Variants in PDE4D observed in about 807,000 individuals in gnomAD.
PDE4D encodes the protein 3',5'-cyclic-AMP phosphodiesterase 4D.
In PDE4D, 24 loss-of-function variants were observed where a neutral mutation model predicts 87.4. The ratio of observed to expected loss-of-function variants is 0.27; its 90% confidence interval spans 0.20 to 0.39. The LOEUF is 0.39. Ranked by LOEUF, PDE4D falls within the 10% of genes least tolerant of loss-of-function variation. PDE4D has a pLI of 1.00. For missense variants in PDE4D, 714 were observed against 1,041.0 expected (o/e 0.69, Z 4.32); for synonymous variants, 384 against 383.2 (o/e 1.00, Z -0.02).
chr5:59,876,075 A>G (rs113889255), intron 1 of PDE4D, among the ~76,000 whole-genome samples: 34,179 of 152,136 alleles, frequency 0.22, 4,884 homozygotes, highest in Admixed American at 0.34. Flanking sequence ...ATGTTTGCCT[A>G]TGTAACAAAC....
intron 2 of PDE4D, among the ~76,000 whole-genome samples, chr5:60,184,147 G>A (rs901437487): frequency 3.3e-5 from 5 of 152,034 alleles, no homozygotes; most frequent in African/African-American, 4.8e-5. Context: ...TAAAGTCACC[G>A]CTCAGTTAAT....
chr5:60,366,419 A>G (rs1760549160), intron 1 of PDE4D, among the ~76,000 whole-genome samples: 2 of 152,214 alleles, frequency 1.3e-5, no homozygotes, highest in Non-Finnish European at 1.5e-5. Context: ...TGTTTCAAGC[A>G]TAAGGCACTT....
chr5:60,251,087 A>G (rs566171644), intron 1 of PDE4D, among the ~76,000 whole-genome samples: 1 of 152,144 alleles, frequency 6.6e-6, no homozygotes, highest in African/African-American at 2.4e-5. Context: ...GATACAGAGA[A>G]AGGAAAGAGA....
chr5:60,048,942 A>T (rs942468185), intron 2 of PDE4D, among the ~76,000 whole-genome samples: 1 of 152,142 alleles, frequency 6.6e-6, no homozygotes, highest in Non-Finnish European at 1.5e-5. Flanking sequence ...GTTCTCCTGG[A>T]TAATATCCTG....
At chr5:59,217,969 A>T (rs773881700) in intron 1 of PDE4D, 7 of 477,436 alleles carry the variant, frequency 1.5e-5, no homozygotes, top group Non-Finnish European at 2.9e-5. Flanking sequence ...AAGATACAAA[A>T]ATAAAGGATG....
At chr5:60,011,619 A>G in intron 2 of PDE4D, among the ~76,000 whole-genome samples, 1 of 152,160 alleles carries the variant, frequency 6.6e-6, no homozygotes, top group East Asian at 1.9e-4. Context: ...ACAGCAGTCT[A>G]TGCATAGGTC....
intron 1 of PDE4D, among the ~76,000 whole-genome samples, chr5:59,658,930 G>A (rs142366851): frequency 6.6e-6 from 1 of 152,176 alleles, no homozygotes; most frequent in Non-Finnish European, 1.5e-5. Context: ...TTGATCCCAG[G>A]GGTTTGAGGG....
At chr5:59,156,318 A>ATATATATATATATAT (rs530343458) in intron 5 of PDE4D, among the ~76,000 whole-genome samples, 54 of 21,276 alleles carry the variant, frequency 2.5e-3, no homozygotes, top group Middle Eastern at 0.025. Flanking sequence ...AGAAAAAAAA[A>ATATATATATATATAT]AAATATATAT....
intron 1 of PDE4D, among the ~76,000 whole-genome samples, chr5:60,363,001 C>T (rs1760208000): frequency 6.6e-6 from 1 of 152,158 alleles, no homozygotes; most frequent in African/African-American, 2.4e-5. Flanking sequence ...AAAACTGTCT[C>T]TAGCTGTGCT....
intron 1 of PDE4D, among the ~76,000 whole-genome samples, chr5:59,474,818 A>G (rs1430080455): frequency 6.6e-6 from 1 of 152,124 alleles, no homozygotes; most frequent in Non-Finnish European, 1.5e-5. Context: ...AAAAAGTTTT[A>G]TGCAAAAAAG....
At chr5:59,080,543 T>C (rs1316677186) in intron 5 of PDE4D, among the ~76,000 whole-genome samples, 1 of 152,164 alleles carries the variant, frequency 6.6e-6, no homozygotes, top group Non-Finnish European at 1.5e-5. Flanking sequence ...ATATTGCTTC[T>C]TGCCACTCGC....
chr5:60,173,149 C>A (rs1389594687), intron 2 of PDE4D, among the ~76,000 whole-genome samples: 1 of 151,976 alleles, frequency 6.6e-6, no homozygotes, highest in Non-Finnish European at 1.5e-5. Context: ...ATAAGTGATG[C>A]CTACAGTTAC....
chr5:59,788,561 CT>C (rs1409857214), intron 1 of PDE4D, among the ~76,000 whole-genome samples: 1 of 152,174 alleles, frequency 6.6e-6, no homozygotes, highest in Non-Finnish European at 1.5e-5. Context: ...AAAGCATGGC[CT>C]TGTGATAGCT....
intron 5 of PDE4D, among the ~76,000 whole-genome samples, chr5:59,047,552 A>C (rs1760895148): frequency 6.6e-6 from 1 of 152,392 alleles, no homozygotes. Context: ...GCAGATCAGA[A>C]AAGTAAAGAC....
At chr5:59,649,931 T>TTTTTTTTTTTTTTTTTTTTG (rs1474090994) in intron 1 of PDE4D, among the ~76,000 whole-genome samples, 1 of 141,262 alleles carries the variant, frequency 7.1e-6, no homozygotes, top group Non-Finnish European at 1.5e-5. Flanking sequence ...TTTTTTTTTT[T>TTTTTTTTTTTTTTTTTTTTG]TAGCAATGAC....
intron 1 of PDE4D, among the ~76,000 whole-genome samples, chr5:59,460,483 G>A (rs1338742282): frequency 6.6e-6 from 1 of 152,038 alleles, no homozygotes; most frequent in Non-Finnish European, 1.5e-5. Flanking sequence ...TACTATTCAA[G>A]GCTACTCAGG....
chr5:60,146,498 T>C (rs1469293330), intron 2 of PDE4D, among the ~76,000 whole-genome samples: 3 of 152,188 alleles, frequency 2.0e-5, no homozygotes, highest in Non-Finnish European at 4.4e-5. Flanking sequence ...AATGTCCTCA[T>C]TGACCCTTTT....
In PDE4D at chr5:60,504,335, G is replaced by GT. The variant is rs566374395; in HGVS notation, n.70+17715dup. On this transcript the variant is annotated intron_variant and non_coding_transcript_variant, in intron 1 of 2. Coordinates refer to the PDE4D transcript ENST00000506510. Reference sequence around the variant, plus strand: ...AGCCTGCTTCTCTAGTTCTTTTAAGGTTTTTTTTTTTAGGTCTTTTTAGGT... The same window carrying GT: ...AGCCTGCTTCTCTAGTTCTTTTAAGGTTTTTTTTTTTTAGGTCTTTTTAGGT... 1.9e-3 allele frequency among the ~76,000 whole-genome samples: 278 copies of GT among 144,474 alleles called. No homozygotes were observed. The East Asian group carries it at 0.021, about 11-fold the overall frequency. The allele number at this position is 144,474 out of a possible 152,430, so 94.8% of individuals were successfully genotyped here.
At chr5:59,076,502 A>C (rs1027276720) in intron 5 of PDE4D, among the ~76,000 whole-genome samples, 11 of 152,180 alleles carry the variant, frequency 7.2e-5, no homozygotes, top group Admixed American at 3.9e-4. Context: ...GAATGTGAGG[A>C]ACGCCCAGTG....
Sources: allele counts gnomAD v4.1 joint callset (sites outside exome capture counted in the v4.1 genomes callset), GRCh38; gene constraint gnomAD v4.1.1; transcripts MANE v1.5; gene names NCBI Gene and HGNC (gene_info 2026-07-23, HGNC 2026-07-21).